STPG2: variants seen among roughly 807,000 people sequenced by gnomAD.
The protein encoded by STPG2 is sperm-tail PG-rich repeat-containing protein 2.
STPG2 carries 56 observed loss-of-function variants against 54.2 expected under a neutral mutation model. That is an observed-to-expected ratio of 1.03 (90% CI 0.83 to 1.29). The LOEUF is 1.29. Among genes scored for constraint, STPG2 ranks in the 50% most tolerant of loss-of-function variants. The probability of loss-of-function intolerance (pLI) is 0.00; values close to 1 mark genes in which losing one functional copy is unlikely to be tolerated. For missense variants in STPG2, 596 were observed against 544.9 expected (o/e 1.09, Z -0.93); for synonymous variants, 200 against 181.8 (o/e 1.10, Z -0.81).
chr4:97,442,358 C>T (rs1393775520), intron 4 of STPG2, among the ~76,000 whole-genome samples: 1 of 151,978 alleles, frequency 6.6e-6, no homozygotes, highest in African/African-American at 2.4e-5. Context: ...TGTTAACTCA[C>T]TCATTTTCTT....
chr4:97,825,855 TA>T (rs1728243383), intron 9 of STPG2, among the ~76,000 whole-genome samples: 1 of 152,190 alleles, frequency 6.6e-6, no homozygotes, highest in Non-Finnish European at 1.5e-5. Context: ...GGTAAATAAA[TA>T]AAGTTTTAAA....
chr4:97,956,887 T>G (rs1259323636), intron 7 of STPG2, among the ~76,000 whole-genome samples: 2 of 151,940 alleles, frequency 1.3e-5, no homozygotes, highest in Admixed American at 1.3e-4. Context: ...GGAACCAAAA[T>G]CCCAACTCTG....
chr4:97,981,491 A>T (rs563885227), intron 5 of STPG2, among the ~76,000 whole-genome samples, 173 bp from the exon 6 acceptor site: 1 of 152,288 alleles, frequency 6.6e-6, no homozygotes, highest in East Asian at 1.9e-4. Context: ...TAAAATATAT[A>T]GCTTTTAGTA....
intron 4 of STPG2, among the ~76,000 whole-genome samples, chr4:97,504,101 TA>T (rs1470005591): frequency 1.4e-5 from 2 of 145,292 alleles, no homozygotes; most frequent in South Asian, 2.1e-4. Flanking sequence ...TAATATTTAA[TA>T]AATAAATAAA....
At chr4:98,007,534 T>C (rs569288322) in intron 5 of STPG2, among the ~76,000 whole-genome samples, 1 of 152,100 alleles carries the variant, frequency 6.6e-6, no homozygotes, top group African/African-American at 2.4e-5. Context: ...AGCATAAAAA[T>C]ACTGGAATAT....
chr4:97,786,953 G>C (rs192601244), intron 9 of STPG2, among the ~76,000 whole-genome samples: 30 of 152,200 alleles, frequency 2.0e-4, no homozygotes, highest in Admixed American at 1.8e-3. Flanking sequence ...ACATAGTATA[G>C]TATAGGTACA....
At chr4:98,048,041 TATAC>T (rs1737193635) in intron 5 of STPG2, among the ~76,000 whole-genome samples, 1 of 152,162 alleles carries the variant, frequency 6.6e-6, no homozygotes, top group Non-Finnish European at 1.5e-5. Flanking sequence ...ACTCTAAAAC[TATAC>T]AAGTGACTAC....
At chr4:97,552,115 AC>A (rs1731979466) in intron 4 of STPG2, among the ~76,000 whole-genome samples, 2 of 152,300 alleles carry the variant, frequency 1.3e-5, no homozygotes, top group Admixed American at 6.5e-5. Flanking sequence ...TAGAAAAAAA[AC>A]ATATTGTATA....
At chr4:98,071,717 C>T (rs1279351865) in intron 5 of STPG2, among the ~76,000 whole-genome samples, 3 of 151,110 alleles carry the variant, frequency 2.0e-5, no homozygotes, top group African/African-American at 7.3e-5. Context: ...TTTACAGGAA[C>T]AAAACAACTC....
At chr4:97,696,225 A>G (rs572332674) in intron 10 of STPG2, among the ~76,000 whole-genome samples, 1 of 152,360 alleles carries the variant, frequency 6.6e-6, no homozygotes, top group South Asian at 2.1e-4. Context: ...AAAGCCAAAT[A>G]CTTACAGTCA....
intron 4 of STPG2, among the ~76,000 whole-genome samples, chr4:97,548,935 AT>A (rs1164628002): frequency 8.3e-5 from 4 of 48,188 alleles, no homozygotes; most frequent in African/African-American, 4.5e-4. Flanking sequence ...TATAAAAAGT[AT>A]TTTTTAATAC....
chr4:97,787,894 T>C (rs954272453), intron 9 of STPG2, among the ~76,000 whole-genome samples: 5 of 151,808 alleles, frequency 3.3e-5, no homozygotes, highest in Admixed American at 2.0e-4. Flanking sequence ...TATTGACATA[T>C]AGCTATTCCT....
chr4:97,574,025 G>A (rs1005930103), intron 10 of STPG2, among the ~76,000 whole-genome samples: 3 of 151,996 alleles, frequency 2.0e-5, no homozygotes, highest in Non-Finnish European at 4.4e-5. Context: ...GTTTTCTTAC[G>A]GATCTGAAGA....
intron 4 of STPG2, among the ~76,000 whole-genome samples, chr4:97,530,498 ATGTGTG>A (rs538280530): frequency 2.7e-5 from 4 of 149,236 alleles, no homozygotes; most frequent in Non-Finnish European, 4.5e-5. Flanking sequence ...GAAAACCAAA[ATGTGTG>A]TGTGTGTGTG....
chr4:97,736,871 C>T (rs191115428), intron 9 of STPG2, among the ~76,000 whole-genome samples: 1,681 of 152,256 alleles, frequency 0.011, 23 homozygotes, highest in Non-Finnish European at 0.014. Flanking sequence ...TCTCCCAGCA[C>T]GCAGATGGAG....
chr4:97,874,895 G>C (rs1730118108), intron 8 of STPG2, among the ~76,000 whole-genome samples: 1 of 151,824 alleles, frequency 6.6e-6, no homozygotes, highest in South Asian at 2.1e-4. Flanking sequence ...TGAGGATACA[G>C]CAAGAAAACT....
At chr4:97,994,381 C>T (rs1242049000) in intron 5 of STPG2, among the ~76,000 whole-genome samples, 1 of 152,038 alleles carries the variant, frequency 6.6e-6, no homozygotes, top group African/African-American at 2.4e-5. Context: ...TTTTTTGTGG[C>T]CTATCATATG....
At position 98,017,238 on chromosome 4, in the gene STPG2, C is replaced by A. The variant is rs138136069; in HGVS notation, c.613-35920G>T. Among the ~76,000 whole-genome samples the A allele has an allele frequency of 1.9e-3, 284 of 152,340 alleles. 4 individuals are homozygous for A. In the East Asian group the frequency reaches 0.035, roughly 19 times the overall value. ...TTTGCCTGGGTCTTCAGTGGCCATA[C>A]TAGAGTCTGTAGCCATCACTGCTAC... On this transcript the variant is annotated intron_variant, in intron 5 of 10. Coordinates refer to ENST00000295268, the MANE Select transcript of STPG2 (RefSeq NM_174952.3).
intron 10 of STPG2, among the ~76,000 whole-genome samples, chr4:97,657,713 T>C (rs1722254345): frequency 6.6e-6 from 1 of 152,208 alleles, no homozygotes; most frequent in Admixed American, 6.5e-5. Flanking sequence ...GAACTCAAAG[T>C]ATTACTCCAG....
Sources: gnomAD v4.1 joint callset for allele counts (sites outside exome capture counted in the v4.1 genomes callset) on GRCh38, gnomAD v4.1.1 for gene constraint, MANE v1.5 for transcripts, NCBI Gene and HGNC (gene_info 2026-07-23, HGNC 2026-07-21) for gene names.